Variants in CAPZA1 observed in about 807,000 individuals in gnomAD.
CAPZA1 encodes capping actin protein of muscle Z-line subunit alpha 1.
CAPZA1 carries 10 observed loss-of-function variants against 40.8 expected under a neutral mutation model. The ratio of observed to expected loss-of-function variants is 0.25; its 90% CI spans 0.15 to 0.42. The LOEUF (loss-of-function observed/expected upper bound fraction) is 0.42, where lower values mean the gene tolerates loss of function less well. Among genes scored for constraint, CAPZA1 ranks in the 10% least tolerant of loss-of-function variants. The pLI is 1.00. For missense variants in CAPZA1, 277 were observed against 353.8 expected, an observed-to-expected ratio of 0.78 and a Z score of 1.74; for synonymous variants, 98 against 115.0, an observed-to-expected ratio of 0.85 and a Z score of 0.95.
intron 7 of CAPZA1, 27 bp from the exon 8 acceptor site, chr1:112,667,047 A>G: frequency 6.4e-7 from 1 of 1,571,692 alleles, no homozygotes; most frequent in South Asian, 1.1e-5. Flanking sequence ...ACTTCCCCTA[A>G]AAAGGCTCAA....
chr1:112,627,633 T>C (rs1670838021), intron 1 of CAPZA1, among the ~76,000 whole-genome samples: 1 of 51,370 alleles, frequency 1.9e-5, no homozygotes, highest in African/African-American at 9.2e-5. Context: ...CGAGACTCTG[T>C]CTCAAAAAAA....
At chr1:112,667,922 A>AAG (rs1299322740) in intron 8 of CAPZA1, among the ~76,000 whole-genome samples, 2 of 152,120 alleles carry the variant, frequency 1.3e-5, no homozygotes, top group African/African-American at 4.8e-5. Flanking sequence ...ATTAGAAGTT[A>AAG]TTGAGTACCC....
intron 7 of CAPZA1, among the ~76,000 whole-genome samples, chr1:112,666,396 G>A (rs979324869): frequency 6.6e-6 from 1 of 152,138 alleles, no homozygotes; most frequent in Admixed American, 6.5e-5. Context: ...TAGTAGCCTT[G>A]TCAAGGTGAC....
intron 4 of CAPZA1, among the ~76,000 whole-genome samples, chr1:112,654,153 T>TG (rs1324332474): frequency 6.6e-6 from 1 of 151,956 alleles, no homozygotes; most frequent in African/African-American, 2.4e-5. Context: ...GAAAAATATG[T>TG]GAAAAAAATA....
intron 1 of CAPZA1, among the ~76,000 whole-genome samples, chr1:112,624,798 C>T (rs1277707636): frequency 6.6e-6 from 1 of 152,010 alleles, no homozygotes; most frequent in African/African-American, 2.4e-5. Context: ...TTGGATCAAA[C>T]CAGCCCAAGA....
intron 2 of CAPZA1, 111 bp downstream of exon 2, chr1:112,647,384 A>G (rs1030952376): frequency 6.7e-5 from 37 of 551,732 alleles, no homozygotes; most frequent in Non-Finnish European, 2.9e-6. Context: ...GTAAATCAAG[A>G]TTCAAAAAAA....
At chr1:112,668,715 A>T (rs1200356753) in intron 8 of CAPZA1, among the ~76,000 whole-genome samples, 1 of 152,010 alleles carries the variant, frequency 6.6e-6, no homozygotes, top group South Asian at 2.1e-4. Context: ...TGAACTCCTG[A>T]CCTCACCTGC....
intron 1 of CAPZA1, among the ~76,000 whole-genome samples, chr1:112,640,649 T>A (rs1279671859): frequency 7.4e-6 from 1 of 134,664 alleles, no homozygotes; most frequent in African/African-American, 2.8e-5. Context: ...ACGTGAGGGG[T>A]GCCTCTGCCC....
At chr1:112,654,756 C>T (rs1671465778) in intron 5 of CAPZA1, 85 bp downstream of exon 5, 2 of 826,750 alleles carry the variant, frequency 2.4e-6, no homozygotes, top group Admixed American at 5.0e-5. Flanking sequence ...CCAAACATCC[C>T]TACTTTCTTC....
At chr1:112,623,797 A>G (rs539859406) in intron 1 of CAPZA1, among the ~76,000 whole-genome samples, 1 of 151,810 alleles carries the variant, frequency 6.6e-6, no homozygotes, top group South Asian at 2.1e-4. Flanking sequence ...ACCTGACCTC[A>G]GGAGATCGAG....
At chr1:112,639,837 G>A (rs1222159732) in intron 1 of CAPZA1, among the ~76,000 whole-genome samples, 782 of 122,896 alleles carry the variant, frequency 6.4e-3, no homozygotes, top group Middle Eastern at 0.046. Flanking sequence ...CCCTCTGCCC[G>A]GCCAGCCGCC....
chr1:112,624,878 T>G (rs560501808), intron 1 of CAPZA1, among the ~76,000 whole-genome samples: 19 of 152,296 alleles, frequency 1.2e-4, no homozygotes, highest in African/African-American at 4.3e-4. Flanking sequence ...AAAAATGTTC[T>G]GGGAGGTTCT....
At chr1:112,657,505 C>T (rs927320267) in intron 5 of CAPZA1, among the ~76,000 whole-genome samples, 18 of 152,306 alleles carry the variant, frequency 1.2e-4, no homozygotes, top group African/African-American at 4.3e-4. Context: ...TTTCCTTGTC[C>T]ATGACTTCCG....
chr1:112,621,243 T>G (rs1384550465), intron 1 of CAPZA1, among the ~76,000 whole-genome samples: 4 of 152,208 alleles, frequency 2.6e-5, no homozygotes, highest in African/African-American at 9.7e-5. Context: ...ATAGTTACTA[T>G]TCAAATAAAA....
chr1:112,664,738 C>T (rs765548037), intron 7 of CAPZA1, among the ~76,000 whole-genome samples: 1 of 152,152 alleles, frequency 6.6e-6, no homozygotes, highest in African/African-American at 2.4e-5. Flanking sequence ...AGTTCGAGAC[C>T]AGCCTGGCCA....
intron 2 of CAPZA1, among the ~76,000 whole-genome samples, chr1:112,648,593 G>A (rs1169477787): frequency 6.6e-6 from 1 of 151,480 alleles, no homozygotes; most frequent in Non-Finnish European, 1.5e-5. Flanking sequence ...TGGGATTACA[G>A]GCGTGAGCCA....
intron 7 of CAPZA1, among the ~76,000 whole-genome samples, chr1:112,660,783 G>A (rs1395727211): frequency 2.0e-5 from 3 of 150,628 alleles, no homozygotes; most frequent in Non-Finnish European, 1.5e-5. Flanking sequence ...GTACCTAATC[G>A]TACCTGTATT....
chr1:112,620,005 A>G, intron 1 of CAPZA1, 122 bp downstream of exon 1: 2 of 751,954 alleles, frequency 2.7e-6, no homozygotes, highest in Non-Finnish European at 4.4e-6. Flanking sequence ...ATGCTGACAT[A>G]CGCTCTCCGC....
intron 1 of CAPZA1, among the ~76,000 whole-genome samples, chr1:112,621,041 C>T (rs944962077): frequency 2.0e-5 from 3 of 152,152 alleles, no homozygotes; most frequent in African/African-American, 7.2e-5. Flanking sequence ...ATCCATAAGT[C>T]CTCTGTACGG....
Sources: allele counts gnomAD v4.1 joint callset (sites outside exome capture counted in the v4.1 genomes callset), GRCh38; gene constraint gnomAD v4.1.1; transcripts MANE v1.5; gene names NCBI Gene and HGNC (gene_info 2026-07-23, HGNC 2026-07-21).